NARS2: variants seen among roughly 807,000 people sequenced by gnomAD.
The protein encoded by NARS2 is asparaginyl-tRNA synthetase 2, mitochondrial, also known as asparaginyl-tRNA synthetase.
NARS2 carries 60 observed loss-of-function variants against 62.9 expected under a neutral mutation model. That is an observed-to-expected ratio of 0.95 (90% CI 0.77 to 1.18). NARS2 has a LOEUF of 1.18. NARS2 is among the 50% of genes most tolerant of loss of function. The probability of loss-of-function intolerance (pLI) is 0.00; values close to 1 mark genes in which losing one functional copy is unlikely to be tolerated. For missense variants in NARS2, 619 were observed against 576.4 expected (o/e 1.07, Z -0.76); for synonymous variants, 196 against 200.0 (o/e 0.98, Z 0.17).
chr11:78,561,961 T>C (rs548655106), intron 4 of NARS2, among the ~76,000 whole-genome samples: 69 of 152,178 alleles, frequency 4.5e-4, no homozygotes, highest in African/African-American at 1.4e-3. Flanking sequence ...CTCAGGAGGC[T>C]GAGGCAGAGG....
Position 78,572,379 on chromosome 11 carries a change from C to T in NARS2, c.142-935G>A, listed in dbSNP as rs180760661. ...CTGATGAAACATTATTTAGAGATGTCACGATAACCTCTCTAAATAGTCCAG... is the reference window on the plus strand; with the variant it reads ...CTGATGAAACATTATTTAGAGATGTTACGATAACCTCTCTAAATAGTCCAG... On this transcript the variant is annotated intron_variant, in intron 1 of 13. Transcript: ENST00000281038. Among the ~76,000 whole-genome samples the T allele has an allele frequency of 2.0e-5, 3 of 152,238 alleles. No individual in the cohort carries two copies. In the East Asian group the frequency reaches 5.8e-4, roughly 29 times the overall value.
Position 78,466,132 on chromosome 11 carries a change from G to C in NARS2, c.1027-119C>G, listed in dbSNP as rs1490918263. On this transcript the variant is annotated intron_variant, in intron 10 of 13. Transcript: ENST00000281038. ...TCATCTTCCTGAGGCTCCATGTGTG[G>C]AGCTAGCTGCTAAGGTTACACAGCT... The C allele has an allele frequency of 1.4e-5, 14 of 1,015,644 alleles. No homozygotes were observed. In the East Asian group the frequency reaches 3.3e-4, roughly 24 times the overall value. The allele number at this position is 1,015,644 out of a possible 1,614,324, so 62.9% of individuals were successfully genotyped here.
chr11:78,467,637 C>T (rs1449980332), intron 10 of NARS2, among the ~76,000 whole-genome samples: 2 of 151,768 alleles, frequency 1.3e-5, no homozygotes, highest in Non-Finnish European at 2.9e-5. Flanking sequence ...GAGAGTTGTA[C>T]AGTGGTTGTC....
chr11:78,538,802 T>C (rs1414814594), intron 5 of NARS2, among the ~76,000 whole-genome samples: 1 of 151,422 alleles, frequency 6.6e-6, no homozygotes, highest in Non-Finnish European at 1.5e-5. Flanking sequence ...GAGACCATCC[T>C]GGCTAACACG....
chr11:78,488,176 T>G (rs1005155232), intron 7 of NARS2, among the ~76,000 whole-genome samples: 2 of 150,994 alleles, frequency 1.3e-5, no homozygotes, highest in African/African-American at 4.9e-5. Context: ...TATTTATCCC[T>G]CTGCCAAAGC....
chr11:78,562,520 G>A (rs1856591287), intron 4 of NARS2, among the ~76,000 whole-genome samples: 1 of 152,310 alleles, frequency 6.6e-6, no homozygotes, highest in African/African-American at 2.4e-5. Context: ...ATACTCACAG[G>A]AAGAACCTCG....
intron 13 of NARS2, among the ~76,000 whole-genome samples, 198 bp from the exon 14 acceptor site, chr11:78,437,012 A>T (rs1010569787): frequency 1.3e-5 from 2 of 152,210 alleles, no homozygotes; most frequent in African/African-American, 4.8e-5. Context: ...CCAGAGAAAC[A>T]GCAGTGGATC....
chr11:78,531,441 A>G (rs899880859), intron 5 of NARS2, among the ~76,000 whole-genome samples: 1 of 152,202 alleles, frequency 6.6e-6, no homozygotes, highest in African/African-American at 2.4e-5. Context: ...CTAGGGAAAA[A>G]AGTTTGGTGG....
chr11:78,498,668 GCT>G (rs1360163997), intron 6 of NARS2, among the ~76,000 whole-genome samples: 1 of 84,294 alleles, frequency 1.2e-5, no homozygotes, highest in Non-Finnish European at 2.4e-5. Flanking sequence ...TTCCCAATAC[GCT>G]CTTTTTTTTT....
At chr11:78,456,189 T>C (rs1010116501) in intron 11 of NARS2, among the ~76,000 whole-genome samples, 1 of 152,230 alleles carries the variant, frequency 6.6e-6, no homozygotes, top group Admixed American at 6.5e-5. Flanking sequence ...CGTTCACTTT[T>C]ATCTCAGTTG....
At chr11:78,479,798 C>T (rs1220159694) in intron 7 of NARS2, among the ~76,000 whole-genome samples, 1 of 152,170 alleles carries the variant, frequency 6.6e-6, no homozygotes, top group African/African-American at 2.4e-5. Context: ...ATAGTGAAGG[C>T]GTAACTGTCT....
At chr11:78,513,339 ACT>A (rs947479369) in intron 6 of NARS2, among the ~76,000 whole-genome samples, 9 of 105,616 alleles carry the variant, frequency 8.5e-5, no homozygotes, top group Non-Finnish European at 1.7e-4. Context: ...GGTCTTATTC[ACT>A]CTTTCTTTTT....
intron 5 of NARS2, among the ~76,000 whole-genome samples, chr11:78,552,206 T>C (rs1461991510): frequency 6.6e-6 from 1 of 152,338 alleles, no homozygotes; most frequent in Middle Eastern, 3.4e-3. Flanking sequence ...TCATAAGTTC[T>C]TATCATTTAG....
intron 6 of NARS2, among the ~76,000 whole-genome samples, chr11:78,499,158 C>T (rs1200400347): frequency 1.3e-5 from 2 of 152,034 alleles, no homozygotes; most frequent in Admixed American, 6.6e-5. Flanking sequence ...CCTCGTGATC[C>T]GCCTGCCTCG....
intron 5 of NARS2, chr11:78,558,553 C>G (rs1216166794): frequency 6.6e-6 from 1 of 152,188 alleles, no homozygotes; most frequent in East Asian, 1.9e-4. Context: ...AAGTACCACT[C>G]ATGATCATAC....
intron 10 of NARS2, among the ~76,000 whole-genome samples, chr11:78,468,411 CTT>C (rs112260820): frequency 1.1e-4 from 15 of 132,418 alleles, no homozygotes; most frequent in Admixed American, 2.3e-4. Flanking sequence ...TGTTGGTCAT[CTT>C]TTTTTTTTTT....
intron 11 of NARS2, among the ~76,000 whole-genome samples, chr11:78,457,751 T>A (rs763167612): frequency 7.9e-5 from 12 of 151,926 alleles, no homozygotes; most frequent in Non-Finnish European, 1.0e-4. Flanking sequence ...GTGAGTGCGA[T>A]CTATGAGAGA....
intron 11 of NARS2, among the ~76,000 whole-genome samples, chr11:78,447,419 G>A (rs977853681): frequency 2.6e-5 from 4 of 152,070 alleles, no homozygotes; most frequent in Admixed American, 6.6e-5. Context: ...AATTAGTACC[G>A]TCATTATGAG....
At chr11:78,530,555 C>A (rs1297572874) in intron 5 of NARS2, among the ~76,000 whole-genome samples, 1 of 152,194 alleles carries the variant, frequency 6.6e-6, no homozygotes, top group Admixed American at 6.5e-5. Flanking sequence ...CTCACTGCAA[C>A]CTCCACCTCC....
Sources: gnomAD v4.1 joint callset for allele counts (sites outside exome capture counted in the v4.1 genomes callset) on GRCh38, gnomAD v4.1.1 for gene constraint, MANE v1.5 for transcripts, NCBI Gene and HGNC (gene_info 2026-07-23, HGNC 2026-07-21) for gene names.